RYR2: variants seen among roughly 807,000 people sequenced by gnomAD.
RYR2 encodes the protein ryanodine receptor 2, also known as cardiac muscle ryanodine receptor-calcium release channel.
RYR2 carries 227 observed loss-of-function variants against 601.1 expected under a neutral mutation model. That is an observed-to-expected ratio of 0.38 (90% confidence interval 0.34 to 0.42). RYR2 has a LOEUF of 0.42. Ranked by LOEUF, RYR2 falls within the 10% of genes least tolerant of loss-of-function variation. The pLI is 1.00. For synonymous variants in RYR2, 2,223 were observed against 2,175.1 expected, an observed-to-expected ratio of 1.02 and a Z score of -0.61; for missense variants, 4,646 against 6,156.5, an observed-to-expected ratio of 0.75 and a Z score of 8.21.
chr1:237,411,604 C>T (rs1704457371), intron 10 of RYR2, among the ~76,000 whole-genome samples: 1 of 152,108 alleles, frequency 6.6e-6, no homozygotes, highest in African/African-American at 2.4e-5. Context: ...ATTTGTTGTG[C>T]AAGGACTTTT....
intron 35 of RYR2, among the ~76,000 whole-genome samples, chr1:237,605,273 C>T (rs1278993961): frequency 1.3e-5 from 2 of 152,162 alleles, no homozygotes; most frequent in Non-Finnish European, 2.9e-5. Context: ...TCAACATACA[C>T]AAATTAATAA....
chr1:237,800,619 A>G (rs905023948), intron 97 of RYR2, among the ~76,000 whole-genome samples: 1 of 152,206 alleles, frequency 6.6e-6, no homozygotes, highest in African/African-American at 2.4e-5. Context: ...AGAAAATAAT[A>G]TTGCCATTAT....
At chr1:237,700,170 C>A in intron 64 of RYR2, 59 bp from the exon 65 acceptor site, 1 of 1,040,922 alleles carries the variant, frequency 9.6e-7, no homozygotes, top group South Asian at 1.5e-5. Flanking sequence ...AACCACAATT[C>A]ATTTATATTT....
intron 1 of RYR2, among the ~76,000 whole-genome samples, chr1:237,141,762 A>G (rs1369547165): frequency 1.3e-5 from 2 of 152,170 alleles, no homozygotes; most frequent in African/African-American, 2.4e-5. Context: ...TGTGTGTGCA[A>G]TGGAACTCTT....
In RYR2 at chr1:237,784,674, G is replaced by T. The variant is rs759106923; in HGVS notation, c.12962G>T (p.Gly4321Val). 6.2e-7 allele frequency: 1 copy of T among 1,611,932 alleles called. No homozygotes were observed. The highest frequency in any genetic ancestry group is 1.7e-5 in the Admixed American group (1 of 59,708). Residue 4321 changes from glycine (G) to valine (V), a missense_variant, in exon 90 of 105, where the codon GGT (glycine) becomes GTT (valine). By Grantham distance (109) the Gly-to-Val change is moderately radical. Around this residue, in one of 17 missense-constraint regions of RYR2, gnomAD observed 364 missense variants for 442.9 expected, o/e 0.82. Transcript: ENST00000366574. The surrounding 1 kb of genome is among the most constrained non-coding windows in gnomAD (Gnocchi z 7.1). Reference sequence around the variant, plus strand: ...CTGCTTGGGGGAAGCCTCGTCGAAGGTGCTAAAAAGATCAAAGTTGCAGAA... The same window carrying T: ...CTGCTTGGGGGAAGCCTCGTCGAAGTTGCTAAAAAGATCAAAGTTGCAGAA... ...SLLLGGSLVE[G>V]AKKIKVAELL...
intron 2 of RYR2, among the ~76,000 whole-genome samples, chr1:237,310,118 G>A (rs548258233): frequency 1.5e-3 from 233 of 152,342 alleles, no homozygotes; most frequent in Non-Finnish European, 2.9e-3. Flanking sequence ...TGCCGAGGCC[G>A]AGGAGGTGCT....
chr1:237,512,202 A>G (rs1280651449), intron 24 of RYR2, among the ~76,000 whole-genome samples: 1 of 152,172 alleles, frequency 6.6e-6, no homozygotes, highest in Non-Finnish European at 1.5e-5. Flanking sequence ...TAGGGAAGCA[A>G]TTTTACATAT....
intron 12 of RYR2, among the ~76,000 whole-genome samples, chr1:237,440,503 A>G (rs1189863728): frequency 6.6e-6 from 1 of 152,176 alleles, no homozygotes; most frequent in Non-Finnish European, 1.5e-5. Context: ...GGGAGGAAAA[A>G]TGGAAAGAGT....
At chr1:237,150,128 GTTCCT>G (rs1166647736) in intron 1 of RYR2, among the ~76,000 whole-genome samples, 2 of 152,124 alleles carry the variant, frequency 1.3e-5, no homozygotes, top group Non-Finnish European at 2.9e-5. Flanking sequence ...ATTTTCCTTT[GTTCCT>G]TTCCTTTCCT....
Position 237,819,682 on chromosome 1 carries a change from G to A in RYR2, c.14590+490G>A, listed in dbSNP as rs1662227048. On this transcript the variant is annotated intron_variant, in intron 101 of 104. Transcript: ENST00000366574. The surrounding 1 kb of genome is among the most constrained non-coding windows in gnomAD (Gnocchi z 4.0). The stretch of plus-strand genomic sequence containing the variant: ...AAAAATACAAAACTAGCCAGGCGTG[G>A]TGGCACACAGCTGTAATCCCAGCTA... Among the ~76,000 whole-genome samples, 1 of 152,132 alleles carries A rather than the reference G, an allele frequency of 6.6e-6. No homozygotes were observed. The highest frequency in any genetic ancestry group is 2.4e-5 in the African/African-American group (1 of 41,410).
intron 87 of RYR2, among the ~76,000 whole-genome samples, chr1:237,777,125 G>T (rs1694727073): frequency 6.6e-6 from 1 of 152,174 alleles, no homozygotes; most frequent in South Asian, 2.1e-4. Flanking sequence ...TCTCTCACTT[G>T]GTGTAAGGGG....
At chr1:237,661,061 A>G in intron 56 of RYR2, 114 bp downstream of exon 56, 1 of 1,041,340 alleles carries the variant, frequency 9.6e-7, no homozygotes, top group East Asian at 3.2e-5. Context: ...AAGAGTCACA[A>G]AATTTAGAAG....
chr1:237,733,089 G>C (rs1326471759), intron 78 of RYR2, among the ~76,000 whole-genome samples: 1 of 151,918 alleles, frequency 6.6e-6, no homozygotes, highest in African/African-American at 2.4e-5. Flanking sequence ...TCTCTCTCTG[G>C]CATTGTCAGG....
At chr1:237,595,209 T>C (rs533726114) in intron 33 of RYR2, among the ~76,000 whole-genome samples, 2 of 152,230 alleles carry the variant, frequency 1.3e-5, no homozygotes, top group African/African-American at 4.8e-5. Context: ...AGGTCTAGTT[T>C]GGTTTGAGTT....
At chr1:237,660,740 G>C (rs1683703208) in intron 55 of RYR2, 70 bp from the exon 56 acceptor site, 1 of 1,357,062 alleles carries the variant, frequency 7.4e-7, no homozygotes, top group African/African-American at 1.5e-5. Flanking sequence ...CTATTTTAGA[G>C]CAAAGCGTTA....
At chr1:237,578,155 G>C (rs145204830) in intron 29 of RYR2, among the ~76,000 whole-genome samples, 1 of 152,004 alleles carries the variant, frequency 6.6e-6, no homozygotes, top group African/African-American at 2.4e-5. Flanking sequence ...AGAGCTTTTG[G>C]GACTGATCTA....
chr1:237,528,063 C>A (rs1437899157), intron 24 of RYR2, among the ~76,000 whole-genome samples: 1 of 151,986 alleles, frequency 6.6e-6, no homozygotes, highest in Non-Finnish European at 1.5e-5. Context: ...TTCAAGTAAC[C>A]CTTATTTTAT....
chr1:237,070,031 C>CTT (rs3056163), intron 1 of RYR2, among the ~76,000 whole-genome samples: 102,278 of 135,676 alleles, frequency 0.75, 39,321 homozygotes, highest in East Asian at 0.99. Context: ...GGTGTTTTAA[C>CTT]TTTTTTTTTT....
At chr1:237,517,839 A>G (rs950747827) in intron 24 of RYR2, among the ~76,000 whole-genome samples, 4 of 152,098 alleles carry the variant, frequency 2.6e-5, no homozygotes, top group Non-Finnish European at 4.4e-5. Flanking sequence ...TAAATTCACA[A>G]TCATGTACCT....
Sources: gnomAD v4.1 joint callset for allele counts (sites outside exome capture counted in the v4.1 genomes callset) on GRCh38, gnomAD v4.1.1 for gene constraint, gnomAD v4.1.1 regional missense constraint, Gnocchi (gnomAD v3.1) non-coding constraint, MANE v1.5 for transcripts, NCBI Gene and HGNC (gene_info 2026-07-23, HGNC 2026-07-21) for gene names.